The following CLN3 variants were observed in gnomAD, a reference collection of about 807,000 sequenced individuals.
The protein encoded by CLN3 is CLN3 lysosomal/endosomal transmembrane protein, battenin, also known as battenin.
CLN3 carries 49 observed loss-of-function variants against 60.7 expected under a neutral mutation model. The observed-to-expected ratio is 0.81, with a 90% CI of 0.64 to 1.02. The LOEUF (loss-of-function observed/expected upper bound fraction) is 1.02, where lower values mean the gene tolerates loss of function less well. Ranked by LOEUF, CLN3 falls within the 50% of genes least tolerant of loss-of-function variation. CLN3 has a pLI of 0.00. For synonymous variants in CLN3, 256 were observed against 245.8 expected (o/e 1.04, Z -0.39); for missense variants, 516 against 557.4 (o/e 0.93, Z 0.75).
At chr16:28,475,889 T>G (rs967821043), downstream of CLN3, 1 of 150,522 alleles carries the variant, frequency 6.6e-6, no homozygotes, top group African/African-American at 2.5e-5. Flanking sequence ...ACTCAGTTTT[T>G]TTGTTTTTTT....
At chr16:28,482,764 G>T in intron 10 of CLN3, 92 bp from the exon 11 acceptor site, 2 of 1,343,310 alleles carry the variant, frequency 1.5e-6, no homozygotes, top group South Asian at 1.2e-5. Flanking sequence ...ACCAGACCAC[G>T]CAACAGTGGG....
At position 28,477,318 on chromosome 16, in the gene CLN3, C is replaced by A; in HGVS notation, c.*198G>T. 3.0e-6 allele frequency: 2 copies of A among 662,512 alleles called. No individual in the cohort carries two copies. 41.0% of individuals were successfully genotyped at this position (662,512 alleles called of 1,614,324 possible). ...CGGCATTTATTCAGAAGGCATGATG[C>A]CAGGAAGAAACTCCCCAAGTGGGAG... On this transcript the variant is annotated 3_prime_UTR_variant, in exon 16 of 16. Transcript: ENST00000636147.
intron 14 of CLN3, 102 bp downstream of exon 14, chr16:28,482,003 A>AT: frequency 1.2e-6 from 1 of 805,596 alleles, no homozygotes; most frequent in Non-Finnish European, 2.0e-6. Flanking sequence ...AAAAAAAAAA[A>AT]TTTACACTTC....
chr16:28,475,892 G>T (rs151180), downstream of CLN3: 70,705 of 144,368 alleles, frequency 0.49, 17,412 homozygotes, highest in African/African-American at 0.6. Context: ...CAGTTTTTTT[G>T]TTTTTTTTTT....
At position 28,484,128 on chromosome 16, in the gene CLN3, G is replaced by C. The variant is rs2141707265; in HGVS notation, c.678-10C>G. The C allele has an allele frequency of 6.3e-7, 1 of 1,594,872 alleles. No individual in the cohort carries two copies. The highest frequency in any genetic ancestry group is 8.6e-7 in the Non-Finnish European group (1 of 1,167,562). On this transcript the variant is annotated splice_polypyrimidine_tract_variant and intron_variant, in intron 9 of 15. Coordinates refer to ENST00000636147, the MANE Select transcript of CLN3 (RefSeq NM_001042432.2). ...GAGCAACAAGAAATAGCTAGGAGTA[G>C]GATGAAGGCAGGGTCAGAAAACCCT...
intron 14 of CLN3, among the ~76,000 whole-genome samples, chr16:28,481,819 T>C (rs949893007): frequency 6.6e-6 from 1 of 151,990 alleles, no homozygotes; most frequent in East Asian, 1.9e-4. Context: ...AAATCCCATC[T>C]CTACTAAAAA....
chr16:28,481,970 G>C (rs2046102787), intron 14 of CLN3, 135 bp downstream of exon 14: 4 of 642,466 alleles, frequency 6.2e-6, no homozygotes, highest in Admixed American at 5.8e-5. Context: ...CTGGACGACA[G>C]AGCGAGACTC....
At chr16:28,489,528 T>C (rs2141718460) in intron 3 of CLN3, 142 bp from the exon 4 acceptor site, 7 of 707,938 alleles carry the variant, frequency 9.9e-6, no homozygotes, top group South Asian at 6.0e-5. Flanking sequence ...CCTCATTCAA[T>C]GTTGGGGTCA....
At chr16:28,477,898 T>G in intron 14 of CLN3, 21 bp from the exon 15 acceptor site, 1 of 1,613,286 alleles carries the variant, frequency 6.2e-7, no homozygotes, top group Non-Finnish European at 8.5e-7. Context: ...GGGGAGAGGC[T>G]AAGCCTGGGA....
chr16:28,483,713 CTTTTTTTTTTTTT>C (rs755660742), intron 10 of CLN3, among the ~76,000 whole-genome samples: 72 of 100,514 alleles, frequency 7.2e-4, no homozygotes, highest in Admixed American at 8.3e-4. Context: ...CCTTTCTTTT[CTTTTTTTTTTTTT>C]TTTTTTTTTT....
chr16:28,484,164 A>G (rs191203384), intron 9 of CLN3, 46 bp from the exon 10 acceptor site: 1 of 1,463,104 alleles, frequency 6.8e-7, no homozygotes, highest in Non-Finnish European at 9.4e-7. Context: ...ACTGGCTGGG[A>G]AGGTCCCCAG....
chr16:28,479,594 A>G (rs1459828578), intron 14 of CLN3: 2 of 156,874 alleles, frequency 1.3e-5, no homozygotes, highest in African/African-American at 2.4e-5. Context: ...TCTCTAAAAA[A>G]CAAAACAAAA....
rs1179990931 is a variant in CLN3 at position 28,486,593 on chromosome 16, G to A, written c.518C>T (p.Thr173Ile). 2 of 1,611,192 alleles carry A rather than the reference G, an allele frequency of 1.2e-6. No individual in the cohort carries two copies. The highest frequency in any genetic ancestry group is 1.7e-6 in the Non-Finnish European group (2 of 1,178,830). ...ACCTGCTTACCTGGGGTAGAAGGCA[G>A]TGAGGGAGAGGAAGGTGACCTCCCC... The part of the protein sequence containing the change: ...GLGEVTFLSL[T>I]AFYPRAVISW... Residue 173 changes from threonine to isoleucine, a missense_variant, in exon 8 of 16, where the codon ACT becomes ATT. Physicochemically the swap from Thr to Ile is moderately conservative, Grantham distance 89. Transcript: ENST00000636147.
chr16:28,467,393 A>G, the CLN3 span, among the ~76,000 whole-genome samples: 2 of 43,866 alleles, frequency 4.6e-5, no homozygotes, highest in East Asian at 9.3e-4. Context: ...CGAGTAGCTG[A>G]GATTACAGGT....
intron 14 of CLN3, 90 bp from the exon 15 acceptor site, chr16:28,477,967 G>A: frequency 6.8e-7 from 1 of 1,480,642 alleles, no homozygotes; most frequent in South Asian, 1.2e-5. Flanking sequence ...GGTTTTAGGA[G>A]TTACTGGTGA....
chr16:28,472,858 C>T (rs928474468), downstream of CLN3, among the ~76,000 whole-genome samples: 5 of 150,544 alleles, frequency 3.3e-5, no homozygotes, highest in Non-Finnish European at 5.9e-5. Flanking sequence ...AGGATGGTCT[C>T]GATCTCCTGA....
At chr16:28,478,646 A>AT (rs1261730510) in intron 14 of CLN3, among the ~76,000 whole-genome samples, 6 of 142,652 alleles carry the variant, frequency 4.2e-5, no homozygotes, top group African/African-American at 1.5e-4. Flanking sequence ...AAAAAAAAAA[A>AT]TGGAGGCTTC....
At chr16:28,485,186 G>A (rs1445128946) in intron 9 of CLN3, among the ~76,000 whole-genome samples, 6 of 149,100 alleles carry the variant, frequency 4.0e-5, no homozygotes, top group Non-Finnish European at 7.4e-5. Flanking sequence ...CTCGTGGTGC[G>A]CCCGCCTCGG....
chr16:28,483,945 G>T, intron 10 of CLN3, 61 bp downstream of exon 10: 2 of 1,218,984 alleles, frequency 1.6e-6, no homozygotes, highest in Non-Finnish European at 2.4e-6. Flanking sequence ...CTATTGCAGA[G>T]AGGAAAAGGC....
Sources: gnomAD v4.1 joint callset for allele counts (sites outside exome capture counted in the v4.1 genomes callset) on GRCh38, gnomAD v4.1.1 for gene constraint, MANE v1.5 for transcripts, NCBI Gene and HGNC (gene_info 2026-07-23, HGNC 2026-07-21) for gene names.